Variants in EIF4G1 observed in about 807,000 individuals in gnomAD.
The protein encoded by EIF4G1 is eukaryotic translation initiation factor 4 gamma 1.
EIF4G1 carries 4 observed loss-of-function variants against 187.8 expected under a neutral mutation model. The ratio of observed to expected loss-of-function variants is 0.02; its 90% confidence interval spans 0.01 to 0.05. The LOEUF is 0.05. Ranked by LOEUF, EIF4G1 falls within the 10% of genes least tolerant of loss-of-function variation. EIF4G1 has a pLI of 1.00. For synonymous variants in EIF4G1, 844 were observed against 781.4 expected (o/e 1.08, Z -1.34); for missense variants, 1,647 against 2,081.1 (o/e 0.79, Z 4.06).
At position 184,325,383 on chromosome 3, in the gene EIF4G1, C is replaced by T; in HGVS notation, c.2961+10C>T. 1.9e-6 allele frequency: 3 copies of T among 1,614,126 alleles called. No individual in the cohort carries two copies. Among genetic ancestry groups the T allele is most frequent in the South Asian group, 1.1e-5 (1 of 91,082 alleles). ...GCTGGATCTGCGAGGGGTGTGTGTC[C>T]CCCTCCTCCCCACTGCCAGCCTGCT... is the stretch of plus-strand genomic sequence containing the variant. On this transcript the variant is annotated intron_variant, in intron 19 of 32. Transcript: ENST00000346169. This position sits in a 1 kb window ranked among gnomAD's most constrained non-coding sequence, Gnocchi z 5.2.
chr3:184,320,817 AT>A, intron 8 of EIF4G1, 95 bp downstream of exon 8: 1 of 1,607,452 alleles, frequency 6.2e-7, no homozygotes, highest in Non-Finnish European at 8.5e-7. Flanking sequence ...TAAGGGATTT[AT>A]TTCCCTGCTT....
intron 6 of EIF4G1, chr3:184,319,365 GGACA>G (rs1234782252): frequency 5.0e-6 from 2 of 402,770 alleles, no homozygotes; most frequent in Non-Finnish European, 9.4e-6. Context: ...TACGGTGGAA[GGACA>G]GACATAAGTC....
At chr3:184,316,367 A>G in intron 4 of EIF4G1, 149 bp downstream of exon 4, 1 of 1,068,906 alleles carries the variant, frequency 9.4e-7, no homozygotes, top group Non-Finnish European at 1.4e-6. Flanking sequence ...TGCCCTGTTG[A>G]TTACTCACGG....
Position 184,332,904 on chromosome 3 carries a change from CTG to C in EIF4G1, c.4618+819_4618+820del, listed in dbSNP as rs1454714335. 4.6e-5 allele frequency among the ~76,000 whole-genome samples: 7 copies of C among 152,164 alleles called. No homozygotes were observed. The East Asian group carries it at 1.3e-3, about 29-fold the overall frequency. On this transcript the variant is annotated intron_variant, in intron 32 of 32. Coordinates refer to ENST00000346169, the MANE Select transcript of EIF4G1 (RefSeq NM_198241.3). ...GCCGGGTGTAAGCCATGGCCAGAGT[CTG>C]GGGCTTTAGCCTGGGGGCAAGAAAA...
chr3:184,322,172 C>CGCCCA (rs1300712997), intron 10 of EIF4G1, 69 bp downstream of exon 10: 5 of 1,607,872 alleles, frequency 3.1e-6, no homozygotes, highest in Non-Finnish European at 4.3e-6. Flanking sequence ...CCTTGATGAC[C>CGCCCA]GCCCATTTTT....
rs1052715477 is a variant in EIF4G1, at chr3:184,335,305, G to A, written c.*397G>A. Reference sequence around the variant, plus strand: ...CCACCCCTGCTGTTGCCTGGGCAGGGGGAAGGGGGGGCACGGTGCCTGTAA... The same window carrying A: ...CCACCCCTGCTGTTGCCTGGGCAGGAGGAAGGGGGGGCACGGTGCCTGTAA... On this transcript the variant is annotated 3_prime_UTR_variant, in exon 33 of 33. Coordinates refer to ENST00000346169, the MANE Select transcript of EIF4G1 (RefSeq NM_198241.3). 2 of 243,484 alleles carry A rather than the reference G, an allele frequency of 8.2e-6. No individual in the cohort carries two copies. The highest frequency in any genetic ancestry group is 4.5e-5 in the African/African-American group (2 of 44,762). The allele number at this position is 243,484 out of a possible 1,614,324, so 15.1% of individuals were successfully genotyped here. A position where few individuals can be genotyped will look rare whatever the true frequency, so the allele number is the denominator to read the frequency against.
chr3:184,317,145 CAT>C (rs920068496), intron 4 of EIF4G1, among the ~76,000 whole-genome samples, 174 bp from the exon 5 acceptor site: 6 of 152,054 alleles, frequency 3.9e-5, no homozygotes, highest in African/African-American at 1.5e-4. Flanking sequence ...GTTTGGAGGG[CAT>C]GTGTGTGTAC....
At position 184,325,777 on chromosome 3, in the gene EIF4G1, G is replaced by C. The variant is rs750939658; in HGVS notation, c.3122-74G>C. 1.9e-6 allele frequency: 3 copies of C among 1,611,734 alleles called. No homozygotes were observed. Among genetic ancestry groups the C allele is most frequent in the Non-Finnish European group, 2.5e-6 (3 of 1,177,858 alleles). On this transcript the variant is annotated intron_variant, in intron 20 of 32. Coordinates refer to ENST00000346169, the MANE Select transcript of EIF4G1 (RefSeq NM_198241.3). This position sits in a 1 kb window ranked among gnomAD's most constrained non-coding sequence, Gnocchi z 5.2. ...GGAACTGAGGATCTGAGGAAGGGAGGCTGGGGGTGGCCCAAGGGGAAGGGG... is the reference window on the plus strand; with the variant it reads ...GGAACTGAGGATCTGAGGAAGGGAGCCTGGGGGTGGCCCAAGGGGAAGGGG...
In EIF4G1 at chr3:184,320,946, C is replaced by A; in HGVS notation, c.650C>A (p.Pro217His). The A allele has an allele frequency of 6.2e-7, 1 of 1,614,172 alleles. No homozygotes were observed. Among genetic ancestry groups the A allele is most frequent in the Non-Finnish European group, 8.5e-7 (1 of 1,180,032 alleles). The change falls in exon 9 of 33, where the codon CCT becomes CAT. Residue 217 changes from proline to histidine, a missense_variant. Physicochemically the swap from Pro to His is moderately conservative, Grantham distance 77. Transcript: ENST00000346169. ...CTGCAGACGGGAGGCGGTCTGGAGC[C>A]TCAAGCTAATGGGGAGACGCCCCAG... ...TPPQTGGGLEPQANGETPQVA... is the reference protein window; with the variant it reads ...TPPQTGGGLEHQANGETPQVA...
chr3:184,324,908 C>A lies in EIF4G1; in HGVS notation c.2650C>A (p.Leu884Met). 2.5e-6 allele frequency: 4 copies of A among 1,614,160 alleles called. No homozygotes were observed. Among genetic ancestry groups the A allele is most frequent in the Non-Finnish European group, 3.4e-6 (4 of 1,180,040 alleles). The change falls in exon 18 of 33, where the codon CTG becomes ATG. Residue 884 changes from leucine to methionine, a missense_variant. Around this residue, in one of 11 missense-constraint regions of EIF4G1, gnomAD observed 40 missense variants for 42.2 expected, o/e 0.95. Coordinates refer to ENST00000346169, the MANE Select transcript of EIF4G1 (RefSeq NM_198241.3). ...AEERGRLKEE[L>M]EEARDIARRR... is the part of the protein sequence containing the mutation. ...GGAACGAGGACGCCTGAAGGAAGAG[C>A]TGGAAGAGGCTCGGGACATAGCCCG...
chr3:184,328,957 G>A lies in EIF4G1; in HGVS notation c.4128G>A (p.Leu1376=). 1 of 1,614,198 alleles carries A rather than the reference G, an allele frequency of 6.2e-7. No individual in the cohort carries two copies. Among genetic ancestry groups the A allele is most frequent in the Non-Finnish European group, 8.5e-7 (1 of 1,180,040 alleles). The part of the protein sequence containing the change: ...LRPLGKAASL[L]LEILGLLCKS... ...CGTTGGGCAAAGCTGCTTCCCTGTT[G>A]CTGGAGATCCTGGGCCTCCTGTGCA... Residue 1376 remains leucine, a synonymous_variant, in exon 28 of 33, where the codon TTG becomes TTA. Transcript: ENST00000346169.
chr3:184,322,571 A>G lies in EIF4G1; in HGVS notation c.1636A>G (p.Asn546Asp), dbSNP rs1420261014. The G allele has an allele frequency of 1.2e-6, 2 of 1,614,030 alleles. No homozygotes were observed. The highest frequency in any genetic ancestry group is 2.7e-5 in the African/African-American group (2 of 74,900). Residue 546 changes from asparagine to aspartate, a missense_variant, in exon 12 of 33, where the codon AAT becomes GAT. This residue lies in a region of EIF4G1 where 522 missense variants were observed against 485.2 expected (regional missense o/e 1.08). Coordinates refer to ENST00000346169, the MANE Select transcript of EIF4G1 (RefSeq NM_198241.3). ...GAACCCGGCAGTACCAGAGGTGGAAAATCAGCCTCCTGCAGGCAGCAATCC... is the reference window on the plus strand; with the variant it reads ...GAACCCGGCAGTACCAGAGGTGGAAGATCAGCCTCCTGCAGGCAGCAATCC... ...EANPAVPEVE[N>D]QPPAGSNPGP...
rs1172170987 is a variant in EIF4G1, at chr3:184,322,387, A to G, written c.1545A>G (p.Arg515=). The change falls in exon 11 of 33, where the codon AGA becomes AGG. Residue 515 remains arginine, a synonymous_variant. Transcript: ENST00000346169. ...TQVAVSVPKR[R]RKIKELNKKE... Reference sequence around the variant, plus strand: ...TGGCAGTATCTGTGCCAAAGAGGAGACGGAAAATTAAGGAGCTAAATAAGA... The same window carrying G: ...TGGCAGTATCTGTGCCAAAGAGGAGGCGGAAAATTAAGGAGCTAAATAAGA... 1.9e-6 allele frequency: 3 copies of G among 1,613,968 alleles called. No homozygotes were observed. Among genetic ancestry groups the G allele is most frequent in the Non-Finnish European group, 2.5e-6 (3 of 1,180,026 alleles).
At chr3:184,328,584 A>T in intron 26 of EIF4G1, 47 bp from the exon 27 acceptor site, 1 of 1,613,758 alleles carries the variant, frequency 6.2e-7, no homozygotes, top group Non-Finnish European at 8.5e-7. Context: ...CCAGAAGGAG[A>T]GTGGGGACCT....
chr3:184,327,617 C>G lies in EIF4G1; in HGVS notation c.3693C>G (p.Ser1231Arg), dbSNP rs1411085713. The change falls in exon 25 of 33, where the codon AGC (serine) becomes AGG (arginine). Residue 1231 changes from serine (S) to arginine (R), a missense_variant. Ser to Arg is a moderately radical substitution (Grantham distance 110, BLOSUM62 -1). Coordinates refer to ENST00000346169, the MANE Select transcript of EIF4G1 (RefSeq NM_198241.3). ...GAGAAGCTGCCCTACCCCCAGTGAGCCCCCTGAAGGCGGCTCTCTCTGAGG... is the reference window on the plus strand; with the variant it reads ...GAGAAGCTGCCCTACCCCCAGTGAGGCCCCTGAAGGCGGCTCTCTCTGAGG... ...VKREAALPPV[S>R]PLKAALSEEE... 1.2e-6 allele frequency: 2 copies of G among 1,614,176 alleles called. No individual in the cohort carries two copies. The highest frequency in any genetic ancestry group is 1.7e-6 in the Non-Finnish European group (2 of 1,180,012).
At chr3:184,331,239 A>T in intron 28 of EIF4G1, 27 bp from the exon 29 acceptor site, 2 of 1,612,618 alleles carry the variant, frequency 1.2e-6, no homozygotes, top group Admixed American at 3.3e-5. Flanking sequence ...GAGCTTTGGT[A>T]AGCTGGGTTG....
intron 1 of EIF4G1, chr3:184,315,247 C>T (rs557396978): frequency 1.4e-5 from 6 of 431,868 alleles, no homozygotes; most frequent in Admixed American, 2.4e-5. Context: ...GGCCTACACT[C>T]CTGGGCGGCG....
intron 3 of EIF4G1, 90 bp from the exon 4 acceptor site, chr3:184,316,042 G>A: frequency 6.3e-7 from 1 of 1,575,060 alleles, no homozygotes; most frequent in Non-Finnish European, 8.6e-7. Context: ...TAAGGCTCTT[G>A]CCGCAGATCT....
chr3:184,324,125 CAGGTAGTTAAAGG>C, intron 16 of EIF4G1, 63 bp from the exon 17 acceptor site: 6 of 1,608,462 alleles, frequency 3.7e-6, no homozygotes, highest in Non-Finnish European at 5.1e-6. Context: ...CTTCCTGGGT[CAGGTAGTTAAAGG>C]CTCTTGGAGG....
Sources: gnomAD v4.1 joint callset for allele counts (sites outside exome capture counted in the v4.1 genomes callset) on GRCh38, gnomAD v4.1.1 for gene constraint, gnomAD v4.1.1 regional missense constraint, Gnocchi (gnomAD v3.1) non-coding constraint, MANE v1.5 for transcripts, NCBI Gene and HGNC (gene_info 2026-07-23, HGNC 2026-07-21) for gene names.